KBTBD12: variants seen among roughly 807,000 people sequenced by gnomAD.
The protein encoded by KBTBD12 is kelch repeat and BTB domain containing 12, also known as kelch repeat and BTB domain-containing protein 12.
KBTBD12 carries 53 observed loss-of-function variants against 58.7 expected under a neutral mutation model. The ratio of observed to expected loss-of-function variants is 0.90; its 90% CI spans 0.72 to 1.14. The LOEUF (loss-of-function observed/expected upper bound fraction) is 1.14. Ranked by LOEUF, KBTBD12 falls within the 50% of genes most tolerant of loss-of-function variation. The pLI is 0.00. For missense variants in KBTBD12, 704 were observed against 751.3 expected, an observed-to-expected ratio of 0.94 and a Z score of 0.74; for synonymous variants, 236 against 259.8, an observed-to-expected ratio of 0.91 and a Z score of 0.88.
chr3:127,975,240 G>A (rs1297963851), intron 5 of KBTBD12, among the ~76,000 whole-genome samples: 1 of 152,148 alleles, frequency 6.6e-6, no homozygotes. Context: ...CTCACCCAAA[G>A]GGTGAAGGAT....
intron 1 of KBTBD12, among the ~76,000 whole-genome samples, chr3:127,919,771 T>G (rs1939352889): frequency 6.6e-6 from 1 of 151,388 alleles, no homozygotes; most frequent in Non-Finnish European, 1.5e-5. Flanking sequence ...GATGTATCTA[T>G]TATCTCTCTC....
chr3:127,956,082 A>G (rs1397893240), intron 4 of KBTBD12, among the ~76,000 whole-genome samples: 1 of 152,212 alleles, frequency 6.6e-6, no homozygotes, highest in East Asian at 1.9e-4. Flanking sequence ...CTGAAAAAAG[A>G]CTTGGATTTA....
chr3:127,915,736 G>C (rs1939218235), intron 1 of KBTBD12, 150 bp downstream of exon 1: 1 of 152,276 alleles, frequency 6.6e-6, no homozygotes, highest in African/African-American at 2.4e-5. Context: ...CAGTGGGCCG[G>C]CGCCTGGCGT....
intron 4 of KBTBD12, among the ~76,000 whole-genome samples, chr3:127,953,474 G>A (rs1274619741): frequency 6.6e-6 from 1 of 152,194 alleles, no homozygotes; most frequent in African/African-American, 2.4e-5. Flanking sequence ...TGTCCAGAAT[G>A]TACTCTTCTA....
At chr3:127,940,703 TAAAG>T (rs1371994707) in intron 4 of KBTBD12, among the ~76,000 whole-genome samples, 1 of 107,806 alleles carries the variant, frequency 9.3e-6, no homozygotes, top group Non-Finnish European at 2.0e-5. Context: ...AGAAAGTAAA[TAAAG>T]ATAGGAGCAG....
At chr3:127,977,548 T>C (rs909738444) in intron 5 of KBTBD12, among the ~76,000 whole-genome samples, 2 of 152,230 alleles carry the variant, frequency 1.3e-5, no homozygotes, top group Admixed American at 1.3e-4. Context: ...TAGTATCTCA[T>C]TGTGGTTTTA....
intron 4 of KBTBD12, among the ~76,000 whole-genome samples, chr3:127,935,725 C>T (rs1939815921): frequency 6.6e-6 from 1 of 152,028 alleles, no homozygotes. Flanking sequence ...TATAGCCAGT[C>T]ATTATCAAAA....
At position 127,985,210 on chromosome 3, in the gene KBTBD12, G is replaced by A. The variant is rs1414315439; in HGVS notation, c.*932G>A. The A allele has an allele frequency of 1.3e-5, 2 of 152,258 alleles. No individual in the cohort carries two copies. Among genetic ancestry groups the A allele is most frequent in the African/African-American group, 4.8e-5 (2 of 41,392 alleles). The allele number at this position is 152,258 out of a possible 1,614,324, so 9.4% of individuals were successfully genotyped here. A position where few individuals can be genotyped will look rare whatever the true frequency, so the allele number is the denominator to read the frequency against. On this transcript the variant is annotated 3_prime_UTR_variant, in exon 6 of 6. Coordinates refer to ENST00000405109, the MANE Select transcript of KBTBD12 (RefSeq NM_207335.4). ...GACTCGCCCAAGCCACCCAAGCCAG[G>A]GACAGAGAAGGCTCTGGCTGAGGAC...
intron 4 of KBTBD12, among the ~76,000 whole-genome samples, chr3:127,951,113 G>A (rs1009725950): frequency 7.9e-5 from 12 of 152,162 alleles, no homozygotes; most frequent in African/African-American, 2.9e-4. Flanking sequence ...AGTAGGTTGA[G>A]TTACTTTAAC....
At chr3:127,978,265 C>T in intron 5 of KBTBD12, among the ~76,000 whole-genome samples, 1 of 152,184 alleles carries the variant, frequency 6.6e-6, no homozygotes, top group East Asian at 1.9e-4. Context: ...ATTTCAACAA[C>T]AGACTGGAAT....
chr3:127,962,299 C>T (rs892082810), intron 4 of KBTBD12, among the ~76,000 whole-genome samples: 1 of 152,164 alleles, frequency 6.6e-6, no homozygotes, highest in African/African-American at 2.4e-5. Context: ...AAAATAAAAG[C>T]AGTGCATAGA....
At chr3:127,982,753 C>G (rs1940894824) in intron 5 of KBTBD12, among the ~76,000 whole-genome samples, 1 of 152,218 alleles carries the variant, frequency 6.6e-6, no homozygotes, top group Non-Finnish European at 1.5e-5. Flanking sequence ...AGACAGCTCC[C>G]CTGTCCCAGC....
chr3:127,963,221 C>A lies in KBTBD12; in HGVS notation c.1525C>A (p.Gln509Lys). 6.2e-7 allele frequency: 1 copy of A among 1,611,978 alleles called. No individual in the cohort carries two copies. The highest frequency in any genetic ancestry group is 8.5e-7 in the Non-Finnish European group (1 of 1,179,048). The change falls in exon 5 of 6, where the codon CAG becomes AAG. Residue 509 changes from glutamine to lysine, a missense_variant. Gln to Lys is a moderately conservative substitution (Grantham distance 53). Coordinates refer to ENST00000405109, the MANE Select transcript of KBTBD12 (RefSeq NM_207335.4). The stretch of plus-strand genomic sequence containing the variant: ...TGGCTGTGTAGGTCAAGACAAGGGC[C>A]AGGTTCGAAAATGCCTTGACGTGGT... ...GIGCVGQDKGQVRKCLDVVEI... is the reference protein window; with the variant it reads ...GIGCVGQDKGKVRKCLDVVEI...
intron 5 of KBTBD12, among the ~76,000 whole-genome samples, chr3:127,983,669 C>T (rs985546738): frequency 1.3e-5 from 2 of 152,078 alleles, no homozygotes; most frequent in African/African-American, 4.8e-5. Flanking sequence ...GGGAGAATTG[C>T]TTGAACCCGG....
intron 4 of KBTBD12, among the ~76,000 whole-genome samples, chr3:127,937,344 G>C (rs994080856): frequency 7.2e-5 from 11 of 151,894 alleles, no homozygotes; most frequent in African/African-American, 2.7e-4. Context: ...AAAATGTTTG[G>C]GTAAGAAGTG....
At chr3:127,979,035 G>A (rs1940832642) in intron 5 of KBTBD12, among the ~76,000 whole-genome samples, 1 of 152,156 alleles carries the variant, frequency 6.6e-6, no homozygotes. Flanking sequence ...AGCTGACATT[G>A]GAAACACAGC....
In KBTBD12 at chr3:127,984,234, AT is replaced by A. The variant is rs765537104; in HGVS notation, c.1829del (p.Ile610ThrfsTer80). 2.5e-6 allele frequency: 4 copies of A among 1,613,828 alleles called. No individual in the cohort carries two copies. Among genetic ancestry groups the A allele is most frequent in the South Asian group, 1.1e-5 (1 of 91,074 alleles). ...LVARMNPRDL[I>X]PPPSDLVEEG... Reference sequence around the variant, plus strand: ...AGCCAGGATGAATCCCCGAGACCTCATCCCCCCGCCTTCAGATTTGGTGGAA... The same window carrying A: ...AGCCAGGATGAATCCCCGAGACCTCACCCCCCGCCTTCAGATTTGGTGGAA... On this transcript the variant is annotated frameshift_variant, in exon 6 of 6. Transcript: ENST00000405109. LOFTEE classifies it high-confidence loss of function.
In KBTBD12 at chr3:127,981,164, A is replaced by G. The variant is rs1174922082; in HGVS notation, c.1691-2933A>G. ...CCAAATTCACACCTAAAAAATGCAC[A>G]TAATCCCTTACTATTGTCTGATACA... On this transcript the variant is annotated intron_variant, in intron 5 of 5. Coordinates refer to ENST00000405109, the MANE Select transcript of KBTBD12 (RefSeq NM_207335.4). Among the ~76,000 whole-genome samples, 6 of 152,380 alleles carry G rather than the reference A, an allele frequency of 3.9e-5. No homozygotes were observed. In the East Asian group the frequency reaches 1.2e-3, roughly 29 times the overall value.
intron 4 of KBTBD12, among the ~76,000 whole-genome samples, chr3:127,934,089 C>T (rs962975260): frequency 6.6e-6 from 1 of 151,924 alleles, no homozygotes; most frequent in Non-Finnish European, 1.5e-5. Flanking sequence ...CAGAAGTATT[C>T]AATAAAAGTT....
Sources: allele counts gnomAD v4.1 joint callset (sites outside exome capture counted in the v4.1 genomes callset), GRCh38; gene constraint gnomAD v4.1.1; transcripts MANE v1.5; gene names NCBI Gene and HGNC (gene_info 2026-07-23, HGNC 2026-07-21).